Variants in WDPCP observed in about 807,000 individuals in gnomAD.
The protein encoded by WDPCP is WD repeat containing planar cell polarity effector, also known as WD repeat-containing and planar cell polarity effector protein fritz homolog.
A neutral mutation model predicts 93.1 loss-of-function variants in WDPCP; 71 were observed. That is an observed-to-expected ratio of 0.76 (90% confidence interval 0.63 to 0.93). The LOEUF (loss-of-function observed/expected upper bound fraction) is 0.93, where lower values mean the gene tolerates loss of function less well. WDPCP is among the 40% of genes least tolerant of loss of function. WDPCP has a pLI of 0.00. For missense variants in WDPCP, 844 were observed against 887.4 expected (o/e 0.95, Z 0.62); for synonymous variants, 315 against 315.0 (o/e 1.00, Z 0.00).
Position 63,726,298 on chromosome 2 carries a change from A to C in WDPCP, n.309-75460T>G, listed in dbSNP as rs138804305. ...CAGTTATGACAGCACCATTTATTGA[A>C]TAGGGAGTCCTTTTCCCGTTGCTTG... On this transcript the variant is annotated intron_variant and non_coding_transcript_variant, in intron 2 of 4. Coordinates refer to the WDPCP transcript ENST00000467687. Among the ~76,000 whole-genome samples the C allele has an allele frequency of 4.2e-3, 635 of 152,334 alleles. 5 individuals are homozygous for C. Among genetic ancestry groups the C allele is most frequent in the African/African-American group, 0.015 (606 of 41,574 alleles).
intron 1 of WDPCP, among the ~76,000 whole-genome samples, chr2:63,526,635 G>A (rs769210156): frequency 6.6e-6 from 1 of 152,134 alleles, no homozygotes; most frequent in Non-Finnish European, 1.5e-5. Flanking sequence ...CTGCTTCAGA[G>A]CCTTTGTATT....
At chr2:63,543,663 T>A (rs1052117408) in intron 1 of WDPCP, among the ~76,000 whole-genome samples, 7 of 152,066 alleles carry the variant, frequency 4.6e-5, no homozygotes, top group African/African-American at 1.7e-4. Flanking sequence ...ATGACTTGAA[T>A]ATACATAGGA....
intron 3 of WDPCP, chr2:63,597,682 C>A: frequency 1.0e-6 from 1 of 990,096 alleles, no homozygotes; most frequent in Non-Finnish European, 1.3e-6. Context: ...TAGTTCTGTA[C>A]AATCATCAGT....
At chr2:63,338,598 ATATATATATATATATATATG>A in intron 12 of WDPCP, among the ~76,000 whole-genome samples, 1 of 134,766 alleles carries the variant, frequency 7.4e-6, no homozygotes, top group Non-Finnish European at 1.6e-5. Context: ...ATATATATAT[ATATATATATATATATATATG>A]GATAATTAGA....
At chr2:63,644,811 G>A (rs1710029770) in intron 3 of WDPCP, among the ~76,000 whole-genome samples, 1 of 152,062 alleles carries the variant, frequency 6.6e-6, no homozygotes, top group African/African-American at 2.4e-5. Flanking sequence ...TGCTCATATA[G>A]CTACTAATGA....
At chr2:63,221,923 A>C (rs573545405) in intron 14 of WDPCP, among the ~76,000 whole-genome samples, 1 of 152,304 alleles carries the variant, frequency 6.6e-6, no homozygotes, top group East Asian at 1.9e-4. Flanking sequence ...ATAACCTGCA[A>C]ATCCTAGGAA....
chr2:63,408,101 A>G (rs1158005416), intron 9 of WDPCP, among the ~76,000 whole-genome samples: 1 of 152,150 alleles, frequency 6.6e-6, no homozygotes, highest in Non-Finnish European at 1.5e-5. Flanking sequence ...GCAGATCTAG[A>G]GTGCACCTCC....
intron 6 of WDPCP, 36 bp downstream of exon 6, chr2:63,484,568 G>A: frequency 6.2e-7 from 1 of 1,610,988 alleles, no homozygotes; most frequent in South Asian, 1.1e-5. Flanking sequence ...CAGCTCCATT[G>A]GTTAAACACT....
intron 2 of WDPCP, among the ~76,000 whole-genome samples, chr2:63,723,156 G>A (rs1259590136): frequency 6.6e-6 from 1 of 151,500 alleles, no homozygotes; most frequent in African/African-American, 2.4e-5. Context: ...GCGGAAGGCC[G>A]CAGGGTCCTC....
chr2:63,754,109 TC>T (rs1669922048), intron 2 of WDPCP, among the ~76,000 whole-genome samples: 1 of 152,230 alleles, frequency 6.6e-6, no homozygotes, highest in Non-Finnish European at 1.5e-5. Flanking sequence ...AGAGTTGTCA[TC>T]CCTGGTGGCA....
chr2:63,407,873 T>G (rs984584491), intron 9 of WDPCP, among the ~76,000 whole-genome samples: 1 of 152,182 alleles, frequency 6.6e-6, no homozygotes, highest in African/African-American at 2.4e-5. Context: ...GGCAGATGAT[T>G]GAGAGGCCAG....
intron 14 of WDPCP, among the ~76,000 whole-genome samples, chr2:63,223,997 T>C (rs1425702935): frequency 6.6e-6 from 1 of 152,054 alleles, no homozygotes; most frequent in East Asian, 1.9e-4. Context: ...TTCTTCAGAA[T>C]TGCCTTAACT....
chr2:63,175,047 A>T (rs1673703460), intron 14 of WDPCP, among the ~76,000 whole-genome samples: 1 of 152,160 alleles, frequency 6.6e-6, no homozygotes, highest in Non-Finnish European at 1.5e-5. Flanking sequence ...TCAAGTATAG[A>T]TTTTAAAAAA....
chr2:63,129,075 A>G (rs1361531760), intron 17 of WDPCP, among the ~76,000 whole-genome samples: 1 of 152,224 alleles, frequency 6.6e-6, no homozygotes, highest in Non-Finnish European at 1.5e-5. Flanking sequence ...AATGTCTGCA[A>G]AGTTCATCCA....
intron 2 of WDPCP, among the ~76,000 whole-genome samples, chr2:63,664,286 G>A (rs1452496570): frequency 6.6e-6 from 1 of 152,172 alleles, no homozygotes; most frequent in Non-Finnish European, 1.5e-5. Context: ...TGGGTGGCTG[G>A]AAGAATGTCC....
upstream of WDPCP, among the ~76,000 whole-genome samples, chr2:63,591,134 T>C (rs1382677826): frequency 6.6e-6 from 1 of 152,240 alleles, no homozygotes; most frequent in Non-Finnish European, 1.5e-5. Context: ...GGAAAGTCAT[T>C]GGTGCCCTGC....
At chr2:63,568,367 T>A in intron 1 of WDPCP, among the ~76,000 whole-genome samples, 1 of 150,928 alleles carries the variant, frequency 6.6e-6, no homozygotes, top group Non-Finnish European at 1.5e-5. Flanking sequence ...AAAAAAAACC[T>A]CTCTCTCTAA....
chr2:63,505,357 C>T (rs970398674), intron 1 of WDPCP, among the ~76,000 whole-genome samples: 2 of 151,924 alleles, frequency 1.3e-5, no homozygotes, highest in Non-Finnish European at 2.9e-5. Flanking sequence ...GAATAAACCA[C>T]CAAGGTCCCC....
chr2:63,583,598 T>C (rs1708635495), intron 1 of WDPCP, among the ~76,000 whole-genome samples: 1 of 151,850 alleles, frequency 6.6e-6, no homozygotes, highest in Non-Finnish European at 1.5e-5. Flanking sequence ...GAAGAATTGC[T>C]TGAACCCAGG....
Sources: allele counts gnomAD v4.1 joint callset (sites outside exome capture counted in the v4.1 genomes callset), GRCh38; gene constraint gnomAD v4.1.1; transcripts MANE v1.5; gene names NCBI Gene and HGNC (gene_info 2026-07-23, HGNC 2026-07-21).